Variants in GOLGA3 observed in about 807,000 individuals in gnomAD.
The protein encoded by GOLGA3 is golgin A3, also known as golgin subfamily A member 3.
GOLGA3 carries 75 observed loss-of-function variants against 169.4 expected under a neutral mutation model. The observed-to-expected ratio is 0.44, with a 90% CI of 0.37 to 0.54. The LOEUF (loss-of-function observed/expected upper bound fraction) is 0.54. GOLGA3 is among the 20% of genes least tolerant of loss of function. GOLGA3 has a pLI of 0.00. For missense variants in GOLGA3, 1,899 were observed against 1,930.0 expected, an observed-to-expected ratio of 0.98 and a Z score of 0.30; for synonymous variants, 824 against 822.4, an observed-to-expected ratio of 1.00 and a Z score of -0.03.
chr12:132,789,791 T>TCAGAAATAAAATACA (rs59943769), intron 12 of GOLGA3, among the ~76,000 whole-genome samples: 142 of 152,114 alleles, frequency 9.3e-4, no homozygotes, highest in African/African-American at 1.5e-3. Flanking sequence ...CCCAGCACTC[T>TCAGAAATAAAATACA]GGGAGCCCGA....
At chr12:132,788,925 C>CGCCCCAGACACAGGCCCA in intron 13 of GOLGA3, 102 bp downstream of exon 13, 3 of 831,048 alleles carry the variant, frequency 3.6e-6, no homozygotes, top group East Asian at 3.8e-5. Flanking sequence ...AGACAGACCC[C>CGCCCCAGACACAGGCCCA]GCCCCAGACA....
Position 132,822,094 on chromosome 12 carries a change from T to A in GOLGA3, c.35A>T (p.Gln12Leu), listed in dbSNP as rs767399860. The A allele has an allele frequency of 6.2e-7, 1 of 1,608,420 alleles. No homozygotes were observed. The highest frequency in any genetic ancestry group is 1.1e-5 in the South Asian group (1 of 90,516). ...DGASAEQDGL[Q>L]EDRSHSGPSS... ...GGGGCCACTGTGGGATCTGTCCTCC[T>A]GGAGGCCATCTTGCTCGGCCGACGC... The change falls in exon 2 of 24, where the codon CAG becomes CTG. Residue 12 changes from glutamine to leucine, a missense_variant. Physicochemically the swap from Gln to Leu is moderately radical, Grantham distance 113. Transcript: ENST00000450791.
chr12:132,808,409 C>G lies in GOLGA3; in HGVS notation c.660G>C (p.Gly220=). The G allele has an allele frequency of 6.2e-7, 1 of 1,614,118 alleles. No homozygotes were observed. Among genetic ancestry groups the G allele is most frequent in the Non-Finnish European group, 8.5e-7 (1 of 1,180,020 alleles). ...YSFLRTSVPR[G]PKVGSLGLPA... is the part of the protein sequence containing the mutation. ...GAAGCCCCAGGCTGCCCACCTTAGGCCCCCGAGGGACACTGGTGCGCAGGA... is the reference window on the plus strand; with the variant it reads ...GAAGCCCCAGGCTGCCCACCTTAGGGCCCCGAGGGACACTGGTGCGCAGGA... Residue 220 remains glycine, a synonymous_variant, in exon 5 of 24, where the codon GGG becomes GGC. Coordinates refer to ENST00000450791, the MANE Select transcript of GOLGA3 (RefSeq NM_001389683.1).
intron 15 of GOLGA3, among the ~76,000 whole-genome samples, 184 bp downstream of exon 15, chr12:132,786,155 C>T (rs531095947): frequency 9.2e-5 from 14 of 152,292 alleles, no homozygotes; most frequent in Admixed American, 2.6e-4. Flanking sequence ...ATGAGGGAGA[C>T]GCGAGGCAAT....
At chr12:132,794,517 C>T (rs970420762) in intron 11 of GOLGA3, among the ~76,000 whole-genome samples, 1 of 152,110 alleles carries the variant, frequency 6.6e-6, no homozygotes. Context: ...GTCACTGCTA[C>T]CACCACCTTC....
At chr12:132,780,988 A>C (rs2045571496) in intron 17 of GOLGA3, 74 bp from the exon 18 acceptor site, 1 of 1,042,956 alleles carries the variant, frequency 9.6e-7, no homozygotes, top group Non-Finnish European at 1.5e-6. Flanking sequence ...ACAGCAGGCA[A>C]CGTGACACAC....
rs1349798966 is a variant in GOLGA3 at position 132,791,874 on chromosome 12, G to T, written c.2470-581C>A. ...AGTTGTTACACTGAGGGCTCCAGAA[G>T]GGGACACATCTGCAGAGATGTTACA... is the stretch of plus-strand genomic sequence containing the variant. On this transcript the variant is annotated intron_variant, in intron 11 of 23. Coordinates refer to ENST00000450791, the MANE Select transcript of GOLGA3 (RefSeq NM_001389683.1). 1.4e-5 allele frequency among the ~76,000 whole-genome samples: 2 copies of T among 139,424 alleles called. 1 individual carries two copies. Among genetic ancestry groups the T allele is most frequent in the Non-Finnish European group, 3.2e-5 (2 of 62,898 alleles). The allele number at this position is 139,424 out of a possible 152,430, so 91.5% of individuals were successfully genotyped here. A position where few individuals can be genotyped will look rare whatever the true frequency, so the allele number is the denominator to read the frequency against.
At chr12:132,791,357 A>G (rs893204138) in intron 11 of GOLGA3, 64 bp from the exon 12 acceptor site, 1 of 879,590 alleles carries the variant, frequency 1.1e-6, no homozygotes, top group Admixed American at 2.1e-5. Context: ...GTCTGCACAG[A>G]TGTTACACTG....
rs1950172028 is a variant in GOLGA3, at chr12:132,820,779, T to A, written c.133+1217A>T. 2.0e-5 allele frequency among the ~76,000 whole-genome samples: 3 copies of A among 152,066 alleles called. No individual in the cohort carries two copies. In the South Asian group the frequency reaches 6.2e-4, roughly 32 times the overall value. On this transcript the variant is annotated intron_variant, in intron 2 of 23. Transcript: ENST00000450791. ...GGGACGACTTCTGAATTCTAGCTAT[T>A]ACAAATTCAGCAACTGACCAATCAA...
At chr12:132,812,997 A>G (rs572547488) in intron 4 of GOLGA3, among the ~76,000 whole-genome samples, 25 of 152,378 alleles carry the variant, frequency 1.6e-4, no homozygotes, top group African/African-American at 6.0e-4. Context: ...CTGCACACTT[A>G]GTAAACTACA....
At chr12:132,788,438 C>G (rs2046040296) in intron 13 of GOLGA3, among the ~76,000 whole-genome samples, 2 of 152,210 alleles carry the variant, frequency 1.3e-5, no homozygotes, top group African/African-American at 4.8e-5. Context: ...TCCTGGACTG[C>G]GGCCTCCGTC....
rs1473224491 is a variant in GOLGA3 at position 132,769,778 on chromosome 12, C to G, written c.*3327G>C. On this transcript the variant is annotated 3_prime_UTR_variant, in exon 24 of 24. Transcript: ENST00000450791. ...GACCCTGTTTTGTAAGCAGTACTCC[C>G]AACTTCACTGCCTTTTCCGTGAGGA... is the stretch of plus-strand genomic sequence containing the variant. The G allele has an allele frequency of 6.6e-6, 1 of 152,236 alleles. No individual in the cohort carries two copies. The highest frequency in any genetic ancestry group is 1.5e-5 in the Non-Finnish European group (1 of 68,040). The allele number at this position is 152,236 out of a possible 1,614,324, so 9.4% of individuals were successfully genotyped here.
At chr12:132,773,422 T>A in intron 23 of GOLGA3, 128 bp from the exon 24 acceptor site, 5 of 531,876 alleles carry the variant, frequency 9.4e-6, no homozygotes, top group East Asian at 3.2e-5. Context: ...GCAAACCAAC[T>A]GAGACCACAG....
chr12:132,783,027 C>G (rs2045693009), intron 16 of GOLGA3, among the ~76,000 whole-genome samples: 1 of 152,178 alleles, frequency 6.6e-6, no homozygotes, highest in Non-Finnish European at 1.5e-5. Flanking sequence ...GAAACCCTGT[C>G]TCTACCAAAA....
intron 11 of GOLGA3, 102 bp downstream of exon 11, chr12:132,795,750 G>C (rs1415376919): frequency 7.8e-7 from 1 of 1,283,270 alleles, no homozygotes; most frequent in African/African-American, 1.5e-5. Context: ...AACACAGCGA[G>C]ACTGTTTCAA....
chr12:132,802,094 T>G, intron 7 of GOLGA3, 125 bp from the exon 8 acceptor site: 1 of 711,044 alleles, frequency 1.4e-6, no homozygotes, highest in Non-Finnish European at 2.4e-6. Context: ...TTCCGGTTAT[T>G]CCCCATAGCT....
At chr12:132,806,419 T>C (rs934526455) in intron 6 of GOLGA3, among the ~76,000 whole-genome samples, 7 of 152,234 alleles carry the variant, frequency 4.6e-5, no homozygotes, top group Non-Finnish European at 1.0e-4. Flanking sequence ...ACCTCTTCTG[T>C]AGACACAGCT....
Position 132,818,506 on chromosome 12 carries a change from G to A in GOLGA3, c.134-1694C>T, listed in dbSNP as rs183255506. On this transcript the variant is annotated intron_variant, in intron 2 of 23. Coordinates refer to ENST00000450791, the MANE Select transcript of GOLGA3 (RefSeq NM_001389683.1). ...AAACTCCTCCCCATTCACCAGCCTC[G>A]GCCTCCCACAGTGCTGGGATTACAG... Among the ~76,000 whole-genome samples, 15 of 152,268 alleles carry A rather than the reference G, an allele frequency of 9.9e-5. No individual in the cohort carries two copies. The East Asian group carries it at 2.3e-3, about 23-fold the overall frequency.
Position 132,777,121 on chromosome 12 carries a change from C to A in GOLGA3, c.3723-31G>T. 6.4e-7 allele frequency: 1 copy of A among 1,556,680 alleles called. No homozygotes were observed. The highest frequency in any genetic ancestry group is 8.7e-7 in the Non-Finnish European group (1 of 1,154,294). ...GTAAAAAAACAAGAAAGAAGGGAAT[C>A]GCCACGCTCCTCCAGTGTGCTGTGC... On this transcript the variant is annotated intron_variant, in intron 19 of 23. Transcript: ENST00000450791. This position sits in a 1 kb window ranked among gnomAD's most constrained non-coding sequence, Gnocchi z 4.7.
Sources: allele counts gnomAD v4.1 joint callset (sites outside exome capture counted in the v4.1 genomes callset), GRCh38; gene constraint gnomAD v4.1.1; non-coding constraint Gnocchi (gnomAD v3.1); transcripts MANE v1.5; gene names NCBI Gene and HGNC (gene_info 2026-07-23, HGNC 2026-07-21).